The following AFG2A variants were observed in gnomAD, a reference collection of about 807,000 sequenced individuals.
The protein encoded by AFG2A is ATPase family gene 2 protein homolog A.
At chr4:123,224,684 T>C in the AFG2A span, among the ~76,000 whole-genome samples, 3 of 152,210 alleles carry the variant, frequency 2.0e-5, no homozygotes, top group South Asian at 6.2e-4. Flanking sequence ...TGTGCATGTG[T>C]CTTTATAGCA....
chr4:123,012,345 A>G, the AFG2A span, among the ~76,000 whole-genome samples: 1,308 of 138,820 alleles, frequency 9.4e-3, 8 homozygotes, highest in Non-Finnish European at 0.014. Context: ...GCCCCCCAGG[A>G]AAGTGGAGAG....
chr4:123,083,590 A>T, the AFG2A span, among the ~76,000 whole-genome samples: 1 of 147,830 alleles, frequency 6.8e-6, no homozygotes, highest in Non-Finnish European at 1.5e-5. Flanking sequence ...TTTTTAAGAG[A>T]CAGGGTCTCA....
the AFG2A span, among the ~76,000 whole-genome samples, chr4:123,151,343 T>C: frequency 1.2e-4 from 18 of 151,566 alleles, no homozygotes; most frequent in Admixed American, 1.1e-3. Context: ...ACCTACAGAG[T>C]GGGAGAAAAT....
chr4:122,999,978 C>G, the AFG2A span, among the ~76,000 whole-genome samples: 1 of 151,946 alleles, frequency 6.6e-6, no homozygotes, highest in East Asian at 1.9e-4. Flanking sequence ...TCTTTATTTC[C>G]TTGAGCAGTG....
chr4:123,168,240 C>T, the AFG2A span, among the ~76,000 whole-genome samples: 1 of 152,140 alleles, frequency 6.6e-6, no homozygotes, highest in East Asian at 1.9e-4. Flanking sequence ...CATCCTTCCT[C>T]CTGACTGTGC....
chr4:123,313,198 C>T, the AFG2A span, among the ~76,000 whole-genome samples: 1 of 152,186 alleles, frequency 6.6e-6, no homozygotes, highest in Non-Finnish European at 1.5e-5. Context: ...CCTCCTCCCT[C>T]CTCCCTCTGC....
the AFG2A span, among the ~76,000 whole-genome samples, chr4:123,032,432 G>A: frequency 1.3e-5 from 2 of 151,644 alleles, no homozygotes; most frequent in Admixed American, 6.6e-5. Flanking sequence ...TCACTCTGTC[G>A]CCCAGGCTGG....
chr4:122,978,629 C>T, the AFG2A span, among the ~76,000 whole-genome samples: 1 of 152,184 alleles, frequency 6.6e-6, no homozygotes, highest in African/African-American at 2.4e-5. Flanking sequence ...CTCTCTGCCT[C>T]CTGCTGCCAT....
chr4:123,095,225 T>C, the AFG2A span, among the ~76,000 whole-genome samples: 2 of 151,590 alleles, frequency 1.3e-5, no homozygotes, highest in Non-Finnish European at 2.9e-5. Flanking sequence ...CAGTATTTAG[T>C]GATAATTATA....
the AFG2A span, among the ~76,000 whole-genome samples, chr4:123,204,226 A>G: frequency 6.6e-6 from 1 of 152,222 alleles, no homozygotes; most frequent in Non-Finnish European, 1.5e-5. Context: ...GGGTTAGAAT[A>G]TGAACATCTA....
At chr4:123,214,242 A>AT in the AFG2A span, among the ~76,000 whole-genome samples, 2 of 152,126 alleles carry the variant, frequency 1.3e-5, no homozygotes, top group Admixed American at 6.6e-5. Context: ...AAATACATTT[A>AT]TTTTTAATAC....
the AFG2A span, among the ~76,000 whole-genome samples, chr4:123,160,822 T>C: frequency 0.015 from 2,248 of 151,340 alleles, 135 homozygotes; most frequent in East Asian, 0.13. Context: ...TATAGGTTTT[T>C]TTCTTATACA....
the AFG2A span, among the ~76,000 whole-genome samples, chr4:123,005,554 C>T: frequency 4.0e-5 from 6 of 151,898 alleles, no homozygotes; most frequent in African/African-American, 1.5e-4. Flanking sequence ...CTTCTTCTTC[C>T]TCTAGTTTCT....
the AFG2A span, among the ~76,000 whole-genome samples, chr4:122,940,245 C>T: frequency 2.7e-4 from 41 of 152,114 alleles, no homozygotes; most frequent in East Asian, 3.1e-3. Flanking sequence ...TACAGTCCCA[C>T]CAACAGTGTA....
the AFG2A span, chr4:123,313,977 C>T: frequency 6.2e-7 from 1 of 1,612,912 alleles, no homozygotes; most frequent in Non-Finnish European, 8.5e-7. Flanking sequence ...TCACTCAGGC[C>T]TTGAGCACTG....
chr4:122,972,191 T>G, the AFG2A span, among the ~76,000 whole-genome samples: 1 of 152,130 alleles, frequency 6.6e-6, no homozygotes, highest in Non-Finnish European at 1.5e-5. Context: ...TTAATATCTA[T>G]TGAAATATTC....
chr4:122,931,473 AAC>A, the AFG2A span, among the ~76,000 whole-genome samples: 1 of 152,180 alleles, frequency 6.6e-6, no homozygotes, highest in Non-Finnish European at 1.5e-5. Context: ...ACATACATGC[AAC>A]ACACACAATA....
the AFG2A span, among the ~76,000 whole-genome samples, chr4:122,960,355 C>T: frequency 9.2e-5 from 14 of 152,296 alleles, no homozygotes; most frequent in South Asian, 4.1e-4. Context: ...ACATAAGTTT[C>T]GTAAACTCTG....
chr4:123,006,305 G>T, the AFG2A span, among the ~76,000 whole-genome samples: 49 of 151,546 alleles, frequency 3.2e-4, 2 homozygotes, highest in Admixed American at 3.0e-3. Context: ...ATGTCCCCCG[G>T]CCCCACCTCA....
Sources: allele counts gnomAD v4.1 joint callset (sites outside exome capture counted in the v4.1 genomes callset), GRCh38; gene constraint gnomAD v4.1.1; transcripts MANE v1.5; gene names NCBI Gene and HGNC (gene_info 2026-07-23, HGNC 2026-07-21).